Variants in BIVM observed in about 807,000 individuals in gnomAD.
BIVM encodes basic immunoglobulin-like variable motif-containing protein.
Under a neutral mutation model 61.4 loss-of-function variants are expected in BIVM, and 31 were observed. That is an observed-to-expected ratio of 0.51 (90% confidence interval 0.38 to 0.68). The LOEUF (loss-of-function observed/expected upper bound fraction) is 0.68. Ranked by LOEUF, BIVM falls within the 30% of genes least tolerant of loss-of-function variation. The pLI is 0.00. For missense variants in BIVM, 526 were observed against 596.0 expected (o/e 0.88, Z 1.22); for synonymous variants, 189 against 210.7 (o/e 0.90, Z 0.89).
chr13:102,811,149 C>T (rs1021480985), intron 3 of BIVM, among the ~76,000 whole-genome samples: 4 of 152,154 alleles, frequency 2.6e-5, no homozygotes, highest in African/African-American at 9.7e-5. Context: ...TATAATTGTT[C>T]GTGTATTACC....
intron 7 of BIVM, among the ~76,000 whole-genome samples, chr13:102,823,555 C>T (rs531110052): frequency 2.1e-4 from 32 of 152,316 alleles, no homozygotes; most frequent in Admixed American, 7.2e-4. Context: ...TGGGGCCTGT[C>T]TATCCTTCTG....
At chr13:102,836,861 G>A (rs982095784) in intron 9 of BIVM, among the ~76,000 whole-genome samples, 27 of 152,276 alleles carry the variant, frequency 1.8e-4, no homozygotes, top group Admixed American at 1.6e-3. Context: ...TAGATAGCAC[G>A]AATTCTCTGA....
In BIVM at chr13:102,841,111, T is replaced by G. The variant is rs555437044; in HGVS notation, c.*1246T>G. 1.3e-5 allele frequency: 2 copies of G among 152,770 alleles called. No individual in the cohort carries two copies. Among genetic ancestry groups the G allele is most frequent in the African/African-American group, 4.8e-5 (2 of 41,580 alleles). The allele number at this position is 152,770 out of a possible 1,614,324, so 9.5% of individuals were successfully genotyped here. ...AAATATTTCAGAAGTGTGAATTTCA[T>G]GTATTTGAGCTCCTCTAGTTGCTGT... On this transcript the variant is annotated 3_prime_UTR_variant, in exon 11 of 11. Coordinates refer to ENST00000257336, the MANE Select transcript of BIVM (RefSeq NM_017693.4).
At chr13:102,836,578 G>C (rs1378607071) in intron 9 of BIVM, among the ~76,000 whole-genome samples, 1 of 152,130 alleles carries the variant, frequency 6.6e-6, no homozygotes, top group Non-Finnish European at 1.5e-5. Flanking sequence ...CCTCCCAAAG[G>C]GCCGGGATTA....
rs1265699754 is a variant in BIVM, at chr13:102,838,691, G to A, written c.1170G>A (p.Leu390=). ...TDLNTQNPEY[L]DIRHLERGLQ... ...TAAACACTCAAAATCCAGAATACCTGGATATCCGGCACTTAGAGAGGGGAC... is the reference window on the plus strand; with the variant it reads ...TAAACACTCAAAATCCAGAATACCTAGATATCCGGCACTTAGAGAGGGGAC... Residue 390 remains leucine (L), a synonymous_variant, in exon 10 of 11, where the codon CTG becomes CTA. Transcript: ENST00000257336. The A allele has an allele frequency of 1.2e-6, 2 of 1,613,226 alleles. No individual in the cohort carries two copies. The highest frequency in any genetic ancestry group is 4.5e-5 in the East Asian group (2 of 44,838).
intron 1 of BIVM, among the ~76,000 whole-genome samples, chr13:102,802,334 A>G (rs2139130755): frequency 6.6e-6 from 1 of 152,300 alleles, no homozygotes. Flanking sequence ...CTGAGCATGC[A>G]ATAATAGAAG....
intron 3 of BIVM, among the ~76,000 whole-genome samples, chr13:102,810,305 C>A (rs937525181): frequency 3.9e-5 from 6 of 152,180 alleles, no homozygotes; most frequent in African/African-American, 7.2e-5. Flanking sequence ...TATTTCCATC[C>A]TTTTACTTTC....
chr13:102,822,598 A>T (rs1430497473), intron 7 of BIVM, among the ~76,000 whole-genome samples: 1 of 152,246 alleles, frequency 6.6e-6, no homozygotes, highest in East Asian at 1.9e-4. Context: ...ATATAATGGC[A>T]GGAAAATAGA....
chr13:102,802,433 T>A (rs1046770286), intron 1 of BIVM, among the ~76,000 whole-genome samples: 12 of 152,176 alleles, frequency 7.9e-5, no homozygotes, highest in African/African-American at 2.9e-4. Flanking sequence ...AGTGTTTGGG[T>A]CGTGGGATTT....
At chr13:102,834,618 C>A in intron 9 of BIVM, 66 bp downstream of exon 9, 1 of 1,429,250 alleles carries the variant, frequency 7.0e-7, no homozygotes. Context: ...ATGCACAGAT[C>A]TTAGTTGTAT....
At chr13:102,825,421 A>G (rs1880605806) in intron 7 of BIVM, among the ~76,000 whole-genome samples, 1 of 152,100 alleles carries the variant, frequency 6.6e-6, no homozygotes, top group Non-Finnish European at 1.5e-5. Flanking sequence ...ATTTTTAACA[A>G]TGTAAAAACC....
chr13:102,814,196 C>T lies in BIVM; in HGVS notation c.479-2232C>T, dbSNP rs545164689. ...CTCAGTAATGAGAAGGAGCAGTGGG[C>T]GAAGGTTCTTGAAGCTGATGTGATG... On this transcript the variant is annotated intron_variant, in intron 3 of 10. Transcript: ENST00000257336. Among the ~76,000 whole-genome samples, 9 of 151,978 alleles carry T rather than the reference C, an allele frequency of 5.9e-5. No homozygotes were observed. The East Asian group carries it at 1.5e-3, about 26-fold the overall frequency.
At chr13:102,839,262 GGA>G (rs1881681331) in intron 10 of BIVM, among the ~76,000 whole-genome samples, 1 of 152,184 alleles carries the variant, frequency 6.6e-6, no homozygotes, top group Non-Finnish European at 1.5e-5. Context: ...ATGAAGAATA[GGA>G]GAGAGAGGAA....
At chr13:102,809,787 C>CTTTTTTTTTTT (rs71292825) in intron 3 of BIVM, among the ~76,000 whole-genome samples, 1 of 127,304 alleles carries the variant, frequency 7.9e-6, no homozygotes. Flanking sequence ...TCTTTTCTTT[C>CTTTTTTTTTTT]TTTTTTTTTT....
intron 3 of BIVM, among the ~76,000 whole-genome samples, chr13:102,815,219 G>A (rs1879784484): frequency 6.6e-6 from 1 of 152,098 alleles, no homozygotes; most frequent in Non-Finnish European, 1.5e-5. Context: ...ATAGTATCTT[G>A]AAGGAATAAA....
At chr13:102,818,107 A>G (rs1181070832) in intron 4 of BIVM, among the ~76,000 whole-genome samples, 1 of 152,144 alleles carries the variant, frequency 6.6e-6, no homozygotes, top group African/African-American at 2.4e-5. Flanking sequence ...CCTGGGTCTT[A>G]AGGGAGGAAA....
intron 1 of BIVM, among the ~76,000 whole-genome samples, chr13:102,803,586 C>T (rs1322860738): frequency 6.6e-6 from 1 of 152,046 alleles, no homozygotes; most frequent in African/African-American, 2.4e-5. Context: ...GAAGGAAGCC[C>T]TGGGAAAGTG....
intron 7 of BIVM, among the ~76,000 whole-genome samples, chr13:102,829,392 G>A (rs147376359): frequency 2.0e-4 from 30 of 152,244 alleles, no homozygotes; most frequent in African/African-American, 6.0e-4. Context: ...TCTGCATTTG[G>A]TGGTGGTTGC....
chr13:102,836,201 CTTTTA>C (rs75940848), intron 9 of BIVM, among the ~76,000 whole-genome samples: 43,450 of 151,840 alleles, frequency 0.29, 6,421 homozygotes, highest in Admixed American at 0.37. Context: ...CAATTTTCTT[CTTTTA>C]TATGTTTTGT....
Sources: allele counts gnomAD v4.1 joint callset (sites outside exome capture counted in the v4.1 genomes callset), GRCh38; gene constraint gnomAD v4.1.1; transcripts MANE v1.5; gene names NCBI Gene and HGNC (gene_info 2026-07-23, HGNC 2026-07-21).